The following LATS1 variants were observed in gnomAD, a reference collection of about 807,000 sequenced individuals.
The protein encoded by LATS1 is serine/threonine-protein kinase LATS1.
In LATS1, 25 loss-of-function variants were observed where a neutral mutation model predicts 106.6. The observed-to-expected ratio is 0.23, with a 90% CI of 0.17 to 0.33. LATS1 has a LOEUF of 0.33. Among genes scored for constraint, LATS1 ranks in the 10% least tolerant of loss-of-function variants. The pLI is 1.00. For missense variants in LATS1, 1,040 were observed against 1,382.6 expected, an observed-to-expected ratio of 0.75 and a Z score of 3.93; for synonymous variants, 465 against 455.6, an observed-to-expected ratio of 1.02 and a Z score of -0.26.
chr6:149,673,476 C>T (rs1190669395), intron 7 of LATS1, among the ~76,000 whole-genome samples: 1 of 151,838 alleles, frequency 6.6e-6, no homozygotes. Context: ...ACATTCCTGC[C>T]TTGTTCTCAA....
intron 1 of LATS1, among the ~76,000 whole-genome samples, chr6:149,716,780 G>A (rs117527283): frequency 9.9e-5 from 15 of 152,216 alleles, no homozygotes; most frequent in Non-Finnish European, 2.1e-4. Context: ...TTCTTTTACT[G>A]TTCAATCAAA....
chr6:149,672,157 G>A (rs1316943242), intron 7 of LATS1, among the ~76,000 whole-genome samples: 1 of 150,868 alleles, frequency 6.6e-6, no homozygotes, highest in Non-Finnish European at 1.5e-5. Context: ...CTCCCAAAGT[G>A]CTGGGATTAC....
chr6:149,673,353 C>T (rs1436348247), intron 7 of LATS1, among the ~76,000 whole-genome samples: 1 of 151,876 alleles, frequency 6.6e-6, no homozygotes, highest in Non-Finnish European at 1.5e-5. Context: ...CCCGCCTTGG[C>T]TTACCAAAGT....
chr6:149,682,849 T>C (rs948873138), intron 4 of LATS1: 3 of 531,028 alleles, frequency 5.6e-6, no homozygotes, highest in African/African-American at 2.0e-5. Flanking sequence ...TATATTTTTC[T>C]TAATTTACAC....
chr6:149,711,635 C>T (rs1024161252), intron 1 of LATS1, among the ~76,000 whole-genome samples: 23 of 152,072 alleles, frequency 1.5e-4, no homozygotes, highest in Admixed American at 1.5e-3. Flanking sequence ...ACCCTTGGGT[C>T]CCCGACTTCT....
intron 1 of LATS1, among the ~76,000 whole-genome samples, chr6:149,702,515 A>G (rs2114963123): frequency 1.3e-5 from 2 of 152,134 alleles, no homozygotes; most frequent in South Asian, 4.2e-4. Context: ...TAGTAAGCAT[A>G]CCAAGCATTT....
chr6:149,695,958 G>A (rs1012446593), intron 2 of LATS1, among the ~76,000 whole-genome samples: 15 of 151,620 alleles, frequency 9.9e-5, no homozygotes, highest in African/African-American at 3.4e-4. Flanking sequence ...AAGTTGGAGT[G>A]CAATGGTGCG....
chr6:149,711,259 T>C (rs904559146), intron 1 of LATS1, among the ~76,000 whole-genome samples: 3 of 151,952 alleles, frequency 2.0e-5, no homozygotes, highest in African/African-American at 7.2e-5. Flanking sequence ...AAAAAATATC[T>C]TTTGGCCGGG....
chr6:149,711,646 A>G (rs1018290403), intron 1 of LATS1, among the ~76,000 whole-genome samples: 1 of 152,164 alleles, frequency 6.6e-6, no homozygotes, highest in African/African-American at 2.4e-5. Context: ...CCCGACTTCT[A>G]TGAGCAAGAA....
intron 3 of LATS1, among the ~76,000 whole-genome samples, chr6:149,693,467 G>A (rs1421386622): frequency 2.0e-5 from 3 of 151,370 alleles, no homozygotes; most frequent in Non-Finnish European, 4.4e-5. Context: ...AAAATTAGCT[G>A]GGCACGGTGG....
chr6:149,694,402 C>T (rs1195993278), intron 3 of LATS1, among the ~76,000 whole-genome samples: 2 of 152,224 alleles, frequency 1.3e-5, no homozygotes, highest in African/African-American at 2.4e-5. Flanking sequence ...CAGGATCACC[C>T]GGGCTTAGGT....
chr6:149,662,560 T>C (rs1359107961), intron 7 of LATS1, among the ~76,000 whole-genome samples: 1 of 152,196 alleles, frequency 6.6e-6, no homozygotes. Flanking sequence ...TTTATGTTTA[T>C]GTCCTACTGA....
intron 1 of LATS1, among the ~76,000 whole-genome samples, chr6:149,708,616 A>T (rs539586065): frequency 6.6e-6 from 1 of 152,234 alleles, no homozygotes; most frequent in East Asian, 1.9e-4. Flanking sequence ...ACATATCTCA[A>T]TTCTGGACTG....
rs552594705 is a variant in LATS1 at position 149,715,110 on chromosome 6, G to A, written c.-141+2739C>T. 4.0e-5 allele frequency among the ~76,000 whole-genome samples: 6 copies of A among 151,168 alleles called. No homozygotes were observed. The South Asian group carries it at 6.3e-4, about 16-fold the overall frequency. ...ATTTTTGAGACAGAGTCTCACTGTC[G>A]CAGGCTGGAGTGCCGTGGTGCCATC... On this transcript the variant is annotated intron_variant, in intron 1 of 7. Coordinates refer to ENST00000543571, the MANE Select transcript of LATS1 (RefSeq NM_004690.4).
intron 7 of LATS1, among the ~76,000 whole-genome samples, chr6:149,674,751 C>A (rs2114754808): frequency 6.6e-6 from 1 of 151,406 alleles, no homozygotes; most frequent in East Asian, 2.0e-4. Context: ...ATGGCAAAAC[C>A]CTGTATCTAC....
intron 5 of LATS1, 40 bp downstream of exon 5, chr6:149,679,835 A>C: frequency 7.3e-7 from 1 of 1,362,192 alleles, no homozygotes; most frequent in Non-Finnish European, 1.0e-6. Context: ...AAATTACATT[A>C]TTATGAACAA....
At chr6:149,698,239 CTTTT>C (rs36006005) in intron 2 of LATS1, among the ~76,000 whole-genome samples, 2 of 146,310 alleles carry the variant, frequency 1.4e-5, no homozygotes, top group Non-Finnish European at 3.0e-5. Context: ...GAATGGGAGT[CTTTT>C]TTTTTTTTTT....
At position 149,661,553 on chromosome 6, in the gene LATS1, G is replaced by T; in HGVS notation, c.*176C>A. On this transcript the variant is annotated 3_prime_UTR_variant, in exon 8 of 8. Coordinates refer to ENST00000543571, the MANE Select transcript of LATS1 (RefSeq NM_004690.4). ...TTTTTTCTAAATACTGATTTAAACGGCTGGAATAAATTAACATTTTAAAAG... is the reference window on the plus strand; with the variant it reads ...TTTTTTCTAAATACTGATTTAAACGTCTGGAATAAATTAACATTTTAAAAG... The T allele has an allele frequency of 7.9e-6, 4 of 503,354 alleles. No individual in the cohort carries two copies. Among genetic ancestry groups the T allele is most frequent in the Admixed American group, 3.8e-5 (1 of 26,456 alleles). 31.2% of individuals were successfully genotyped at this position (503,354 alleles called of 1,614,324 possible).
In LATS1 at chr6:149,695,128, G is replaced by A; in HGVS notation, c.442C>T (p.Arg148Ter). Residue 148 changes from arginine to a stop codon, truncating the protein, a stop_gained, in exon 3 of 8, where the codon CGA (arginine) becomes TGA (stop). Transcript: ENST00000543571. LOFTEE classifies it high-confidence loss of function. ...GCAGCTGCTGCAGCCATCTGCTCTC[G>A]TCGAGGATCTTGGTAACTCATTTTA... The part of the protein sequence containing the change: ...ISKMSYQDPR[R>*]EQMAAAAARP... 6.2e-7 allele frequency: 1 copy of A among 1,613,048 alleles called. No individual in the cohort carries two copies. Among genetic ancestry groups the A allele is most frequent in the South Asian group, 1.1e-5 (1 of 90,928 alleles).
Sources: gnomAD v4.1 joint callset for allele counts (sites outside exome capture counted in the v4.1 genomes callset) on GRCh38, gnomAD v4.1.1 for gene constraint, MANE v1.5 for transcripts, NCBI Gene and HGNC (gene_info 2026-07-23, HGNC 2026-07-21) for gene names.